Variants in SLCO1C1 observed in about 807,000 individuals in gnomAD.
The protein encoded by SLCO1C1 is OAT-RP-5.
In SLCO1C1, 70 loss-of-function variants were observed where a neutral mutation model predicts 76.4. The observed-to-expected ratio is 0.92, with a 90% CI of 0.76 to 1.12. The LOEUF (loss-of-function observed/expected upper bound fraction) is 1.12, where lower values mean the gene tolerates loss of function less well. Among genes scored for constraint, SLCO1C1 ranks in the 50% most tolerant of loss-of-function variants. The pLI is 0.00. For missense variants in SLCO1C1, 912 were observed against 823.8 expected, an observed-to-expected ratio of 1.11 and a Z score of -1.31; for synonymous variants, 306 against 286.1, an observed-to-expected ratio of 1.07 and a Z score of -0.70.
At chr12:20,723,326 C>A (rs1036426668) in intron 9 of SLCO1C1, 72 bp downstream of exon 9, 2 of 1,523,960 alleles carry the variant, frequency 1.3e-6, no homozygotes, top group South Asian at 1.3e-5. Flanking sequence ...CGGGAATCTT[C>A]GAGAAGATTC....
chr12:20,732,864 C>CT, intron 9 of SLCO1C1, 45 bp from the exon 10 acceptor site: 2 of 1,600,408 alleles, frequency 1.2e-6, no homozygotes, highest in Non-Finnish European at 8.5e-7. Flanking sequence ...ACACTCAAAT[C>CT]TTTTTTAGAG....
At chr12:20,724,531 C>T (rs1165117166) in intron 9 of SLCO1C1, among the ~76,000 whole-genome samples, 1 of 146,240 alleles carries the variant, frequency 6.8e-6, no homozygotes, top group African/African-American at 2.5e-5. Context: ...GAAAGCTTAA[C>T]TCTCCTATCA....
chr12:20,711,455 A>C lies in SLCO1C1; in HGVS notation c.474A>C (p.Ser158=). ...TLSISPCLLE[S]SSQLPVSVME... Reference sequence around the variant, plus strand: ...GCATCTCTCCGTGTCTCCTAGAGTCAAGCAGTCAATTACCAGTTTCAGTTA... The same window carrying C: ...GCATCTCTCCGTGTCTCCTAGAGTCCAGCAGTCAATTACCAGTTTCAGTTA... The change falls in exon 5 of 15, where the codon TCA becomes TCC. Residue 158 remains serine, a synonymous_variant. Coordinates refer to ENST00000266509, the MANE Select transcript of SLCO1C1 (RefSeq NM_017435.5). 6.2e-7 allele frequency: 1 copy of C among 1,614,074 alleles called. No individual in the cohort carries two copies. The highest frequency in any genetic ancestry group is 8.5e-7 in the Non-Finnish European group (1 of 1,179,968).
chr12:20,720,857 C>T (rs1423655682), intron 7 of SLCO1C1, among the ~76,000 whole-genome samples: 2 of 152,024 alleles, frequency 1.3e-5, no homozygotes, highest in Middle Eastern at 3.4e-3. Context: ...ATTAGCCGGG[C>T]GTGGTGGCAC....
chr12:20,743,556 A>C (rs1169958822), intron 13 of SLCO1C1, among the ~76,000 whole-genome samples, 187 bp downstream of exon 13: 1 of 152,010 alleles, frequency 6.6e-6, no homozygotes, highest in East Asian at 1.9e-4. Flanking sequence ...TCTTCGTTAC[A>C]GAAATATATT....
At chr12:20,726,251 ATT>A (rs35638975) in intron 9 of SLCO1C1, among the ~76,000 whole-genome samples, 4,182 of 145,958 alleles carry the variant, frequency 0.029, 127 homozygotes, top group African/African-American at 0.077. Context: ...TCTTTTTCTT[ATT>A]TTTTTTTTTT....
At chr12:20,726,291 C>T (rs966743172) in intron 9 of SLCO1C1, among the ~76,000 whole-genome samples, 3 of 150,188 alleles carry the variant, frequency 2.0e-5, no homozygotes, top group African/African-American at 7.4e-5. Context: ...AATGATCTTC[C>T]TGCAATAAAA....
chr12:20,718,249 C>G (rs1156427169), intron 7 of SLCO1C1, among the ~76,000 whole-genome samples: 1 of 152,156 alleles, frequency 6.6e-6, no homozygotes, highest in Non-Finnish European at 1.5e-5. Context: ...CTAGTATAAG[C>G]ATTTTACCCA....
chr12:20,723,031 A>C, intron 8 of SLCO1C1, 59 bp from the exon 9 acceptor site: 2 of 1,471,864 alleles, frequency 1.4e-6, no homozygotes, highest in Non-Finnish European at 1.9e-6. Flanking sequence ...CAGCACGGCT[A>C]CTTCTTCTTC....
chr12:20,740,819 G>A (rs2176141), intron 12 of SLCO1C1, among the ~76,000 whole-genome samples: 37,059 of 64,634 alleles, frequency 0.57, 9,296 homozygotes, highest in South Asian at 0.67. Context: ...ATATATATAT[G>A]GCTTTATCTG....
At chr12:20,739,204 TGA>T (rs1445115869) in intron 11 of SLCO1C1, among the ~76,000 whole-genome samples, 1 of 152,202 alleles carries the variant, frequency 6.6e-6, no homozygotes, top group African/African-American at 2.4e-5. Context: ...ATGCCTAAAA[TGA>T]GAGTCTATTC....
intron 11 of SLCO1C1, 109 bp downstream of exon 11, chr12:20,737,381 C>A: frequency 1.8e-6 from 2 of 1,137,234 alleles, no homozygotes; most frequent in South Asian, 1.9e-5. Context: ...TTGCCTCTTA[C>A]CTCTGCCTGG....
intron 11 of SLCO1C1, 59 bp from the exon 12 acceptor site, chr12:20,740,125 G>C: frequency 6.9e-7 from 1 of 1,448,526 alleles, no homozygotes; most frequent in Non-Finnish European, 9.4e-7. Flanking sequence ...TAACATAACT[G>C]TCTTTAACTT....
chr12:20,721,857 G>A lies in SLCO1C1; in HGVS notation c.829G>A (p.Gly277Ser), dbSNP rs757301274. ...DPQWVGAWWL[G>S]YLIAGIISLL... is the part of the protein sequence containing the mutation. ...CCAGTGGGTAGGAGCCTGGTGGCTT[G>A]GCTATCTAATAGCAGGAATCATAAG... Residue 277 changes from glycine to serine, a missense_variant, in exon 8 of 15, where the codon GGC becomes AGC. By Grantham distance (56) the Gly-to-Ser change is moderately conservative. Coordinates refer to ENST00000266509, the MANE Select transcript of SLCO1C1 (RefSeq NM_017435.5). 1 of 1,614,112 alleles carries A rather than the reference G, an allele frequency of 6.2e-7. No homozygotes were observed. Among genetic ancestry groups the A allele is most frequent in the Non-Finnish European group, 8.5e-7 (1 of 1,180,006 alleles).
Position 20,752,294 on chromosome 12 carries a change from CTCT to C in SLCO1C1, c.1917-5_1917-3del, listed in dbSNP as rs1303674978. ...TTGCATTAATTATAACAGAGATTCT[CTCT>C]TCTTCTAGACATATATATCTGGGAC... On this transcript the variant is annotated splice_polypyrimidine_tract_variant and intron_variant, in intron 14 of 14. Transcript: ENST00000266509. 1.0e-5 allele frequency: 15 copies of C among 1,489,482 alleles called. No homozygotes were observed. Among genetic ancestry groups the C allele is most frequent in the Non-Finnish European group, 1.4e-5 (15 of 1,104,124 alleles). 92.3% of individuals were successfully genotyped at this position (1,489,482 alleles called of 1,614,324 possible).
At chr12:20,716,115 A>G (rs1447488472) in intron 6 of SLCO1C1, among the ~76,000 whole-genome samples, 1 of 152,200 alleles carries the variant, frequency 6.6e-6, no homozygotes, top group Non-Finnish European at 1.5e-5. Context: ...GGGGCGCTAC[A>G]GCTAGGTCCA....
At chr12:20,704,760 T>C (rs1301764594) in intron 3 of SLCO1C1, among the ~76,000 whole-genome samples, 2 of 151,756 alleles carry the variant, frequency 1.3e-5, no homozygotes, top group Non-Finnish European at 3.0e-5. Flanking sequence ...GCTCAAAAAT[T>C]GGAAATGAGG....
intron 13 of SLCO1C1, among the ~76,000 whole-genome samples, chr12:20,747,570 A>G (rs1949105021): frequency 6.6e-6 from 1 of 151,858 alleles, no homozygotes. Flanking sequence ...GTTCTATTAT[A>G]ATAATCTTAA....
intron 4 of SLCO1C1, among the ~76,000 whole-genome samples, chr12:20,710,699 G>C (rs775492696): frequency 6.6e-6 from 1 of 152,028 alleles, no homozygotes; most frequent in African/African-American, 2.4e-5. Flanking sequence ...CAGGATAAAT[G>C]GTACAAAATC....
Sources: gnomAD v4.1 joint callset for allele counts (sites outside exome capture counted in the v4.1 genomes callset) on GRCh38, gnomAD v4.1.1 for gene constraint, MANE v1.5 for transcripts, NCBI Gene and HGNC (gene_info 2026-07-23, HGNC 2026-07-21) for gene names.